Variants in TAFA1 observed in about 807,000 individuals in gnomAD.
TAFA1 encodes TAFA chemokine like family member 1, also known as chemokine-like protein TAFA-1.
TAFA1 carries 4 observed loss-of-function variants against 18.5 expected under a neutral mutation model. The observed-to-expected ratio is 0.22, with a 90% CI of 0.11 to 0.49. TAFA1 has a LOEUF of 0.49. Ranked by LOEUF, TAFA1 falls within the 20% of genes least tolerant of loss-of-function variation. The pLI, the probability that TAFA1 is intolerant of heterozygous loss-of-function variation, is 0.98. For missense variants in TAFA1, 147 were observed against 169.0 expected, an observed-to-expected ratio of 0.87 and a Z score of 0.72; for synonymous variants, 56 against 55.2, an observed-to-expected ratio of 1.01 and a Z score of -0.06.
intron 2 of TAFA1, among the ~76,000 whole-genome samples, chr3:68,057,046 A>C (rs989808541): frequency 1.5e-4 from 23 of 152,108 alleles, no homozygotes; most frequent in African/African-American, 5.6e-4. Flanking sequence ...TCTGCCCATC[A>C]TCTCTCTTCT....
In TAFA1 at chr3:68,064,326, T is replaced by A. The variant is rs146556173; in HGVS notation, c.118+57582T>A. ...AATATCTTCTGAAGCATATTTTTTT[T>A]ATTACCTGAACAGTGATGAAAGGAC... On this transcript the variant is annotated intron_variant, in intron 2 of 4. Transcript: ENST00000478136. Among the ~76,000 whole-genome samples, 207 of 152,344 alleles carry A rather than the reference T, an allele frequency of 1.4e-3. 1 individual carries two copies. The highest frequency in any genetic ancestry group is 4.5e-3 in the African/African-American group (189 of 41,586).
intron 2 of TAFA1, among the ~76,000 whole-genome samples, chr3:68,162,578 C>T (rs1201155795): frequency 1.3e-5 from 2 of 152,188 alleles, no homozygotes; most frequent in Non-Finnish European, 2.9e-5. Flanking sequence ...TCTACCATAA[C>T]TGGTAAAACT....
chr3:68,162,859 G>A (rs928196851), intron 2 of TAFA1, among the ~76,000 whole-genome samples: 3 of 152,116 alleles, frequency 2.0e-5, no homozygotes, highest in Non-Finnish European at 2.9e-5. Flanking sequence ...CTCAGAATGA[G>A]GAATGACAAA....
At chr3:68,111,697 A>T (rs2065263737) in intron 2 of TAFA1, among the ~76,000 whole-genome samples, 1 of 152,090 alleles carries the variant, frequency 6.6e-6, no homozygotes, top group Non-Finnish European at 1.5e-5. Context: ...TCTTTAGGAT[A>T]ACAAATAAAA....
chr3:68,173,959 A>G (rs868334135), intron 2 of TAFA1, among the ~76,000 whole-genome samples: 1 of 152,200 alleles, frequency 6.6e-6, no homozygotes, highest in Non-Finnish European at 1.5e-5. Context: ...ACATGAATCT[A>G]TCACCCAACA....
intron 2 of TAFA1, among the ~76,000 whole-genome samples, chr3:68,188,689 T>C (rs947516420): frequency 1.3e-5 from 2 of 151,848 alleles, no homozygotes; most frequent in Non-Finnish European, 2.9e-5. Context: ...TTAAGTGTCT[T>C]AGAGAGAGAG....
At chr3:68,226,600 A>G (rs1379497929) in intron 2 of TAFA1, among the ~76,000 whole-genome samples, 1 of 151,894 alleles carries the variant, frequency 6.6e-6, no homozygotes, top group Admixed American at 6.6e-5. Flanking sequence ...CAGCCTCATC[A>G]TTGCTTGCCC....
At chr3:68,368,139 C>T (rs1394887291) in intron 2 of TAFA1, among the ~76,000 whole-genome samples, 1 of 152,054 alleles carries the variant, frequency 6.6e-6, no homozygotes, top group Admixed American at 6.6e-5. Context: ...TTCACATTCC[C>T]AAGTGAAAAA....
chr3:68,442,803 A>G (rs746004188), intron 3 of TAFA1, among the ~76,000 whole-genome samples: 20 of 152,188 alleles, frequency 1.3e-4, no homozygotes, highest in Non-Finnish European at 2.9e-4. Flanking sequence ...AATAGATTAA[A>G]TATCTCACAG....
intron 2 of TAFA1, among the ~76,000 whole-genome samples, chr3:68,263,592 AC>A (rs1383409826): frequency 6.6e-6 from 1 of 152,004 alleles, no homozygotes; most frequent in Non-Finnish European, 1.5e-5. Context: ...GCTTTACAGA[AC>A]AAGTAATGAA....
Position 68,392,320 on chromosome 3 carries a change from A to G in TAFA1, c.119-24960A>G, listed in dbSNP as rs937491949. Among the ~76,000 whole-genome samples the G allele has an allele frequency of 2.0e-4, 31 of 152,314 alleles. 1 individual carries two copies. In the East Asian group the frequency reaches 2.5e-3, roughly 12 times the overall value. On this transcript the variant is annotated intron_variant, in intron 2 of 4. Transcript: ENST00000478136. ...CAACAAGAAGAGCTAACTATCCTAA[A>G]TAAATACGCATCCAATACAGGAGCA...
chr3:68,215,187 G>A (rs116553452), intron 2 of TAFA1, among the ~76,000 whole-genome samples: 1 of 152,084 alleles, frequency 6.6e-6, no homozygotes, highest in African/African-American at 2.4e-5. Flanking sequence ...ATAATAAATA[G>A]ATCATACTCA....
chr3:68,179,614 G>A (rs2066169945), intron 2 of TAFA1, among the ~76,000 whole-genome samples: 1 of 152,112 alleles, frequency 6.6e-6, no homozygotes, highest in African/African-American at 2.4e-5. Flanking sequence ...AGAACCTCTT[G>A]TTTGCAACTC....
intron 3 of TAFA1, among the ~76,000 whole-genome samples, chr3:68,490,489 T>C (rs6772194): frequency 1.3e-3 from 198 of 152,292 alleles, no homozygotes; most frequent in African/African-American, 4.4e-3. Context: ...TCCAGCTGCA[T>C]ATCTATGTAA....
chr3:68,269,890 C>T (rs558774838), intron 2 of TAFA1, among the ~76,000 whole-genome samples: 1 of 152,116 alleles, frequency 6.6e-6, no homozygotes, highest in Non-Finnish European at 1.5e-5. Flanking sequence ...CTTTATATGA[C>T]TCTATGCATG....
At chr3:68,082,268 A>G (rs183420723) in intron 2 of TAFA1, among the ~76,000 whole-genome samples, 4,611 of 152,162 alleles carry the variant, frequency 0.03, 246 homozygotes, top group African/African-American at 0.11. Flanking sequence ...AGAAATCACC[A>G]TCTTGTGCGT....
intron 2 of TAFA1, among the ~76,000 whole-genome samples, chr3:68,399,783 T>C (rs1210911933): frequency 1.3e-5 from 2 of 152,136 alleles, no homozygotes; most frequent in Admixed American, 6.6e-5. Flanking sequence ...ACACTAAAAC[T>C]TAATTCTAAA....
At chr3:68,231,592 C>T (rs1359583930) in intron 2 of TAFA1, among the ~76,000 whole-genome samples, 1 of 151,078 alleles carries the variant, frequency 6.6e-6, no homozygotes, top group African/African-American at 2.4e-5. Context: ...GATCTCCTGA[C>T]CTCATGATCC....
At chr3:68,294,677 G>C (rs2068175902) in intron 2 of TAFA1, among the ~76,000 whole-genome samples, 1 of 152,106 alleles carries the variant, frequency 6.6e-6, no homozygotes, top group Non-Finnish European at 1.5e-5. Flanking sequence ...TTGAGCCCAG[G>C]AGTTCGAGAC....
Sources: gnomAD v4.1 joint callset for allele counts (sites outside exome capture counted in the v4.1 genomes callset) on GRCh38, gnomAD v4.1.1 for gene constraint, MANE v1.5 for transcripts, NCBI Gene and HGNC (gene_info 2026-07-23, HGNC 2026-07-21) for gene names.